The following PREX1 variants were observed in gnomAD, a reference collection of about 807,000 sequenced individuals.
PREX1 encodes phosphatidylinositol 3,4,5-trisphosphate-dependent Rac exchanger 1 protein.
PREX1 carries 41 observed loss-of-function variants against 198.3 expected under a neutral mutation model. That is an observed-to-expected ratio of 0.21 (90% confidence interval 0.16 to 0.27). The LOEUF is 0.27. Among genes scored for constraint, PREX1 ranks in the 10% least tolerant of loss-of-function variants. PREX1 has a pLI of 1.00. For synonymous variants in PREX1, 843 were observed against 887.2 expected (o/e 0.95, Z 0.89); for missense variants, 1,620 against 2,200.7 (o/e 0.74, Z 5.28).
intron 1 of PREX1, among the ~76,000 whole-genome samples, chr20:48,752,673 C>T (rs938255119): frequency 6.6e-6 from 1 of 152,242 alleles, no homozygotes; most frequent in East Asian, 1.9e-4. Flanking sequence ...CATGGTAACC[C>T]GCTTGATGAC....
In PREX1 at chr20:48,625,262, A is replaced by C. The variant is rs547346333; in HGVS notation, c.*623T>G. ...TGCCATATAAATAAAGTCAGAGCAA[A>C]TCTCGTGCCCAGGGCTGGTGGCCCC... On this transcript the variant is annotated 3_prime_UTR_variant, in exon 40 of 40. Coordinates refer to ENST00000371941, the MANE Select transcript of PREX1 (RefSeq NM_020820.4). 1 of 152,608 alleles carries C rather than the reference A, an allele frequency of 6.6e-6. No individual in the cohort carries two copies. Among genetic ancestry groups the C allele is most frequent in the East Asian group, 1.9e-4 (1 of 5,170 alleles). The allele number at this position is 152,608 out of a possible 1,614,324, so 9.5% of individuals were successfully genotyped here. A position where few individuals can be genotyped will look rare whatever the true frequency, so the allele number is the denominator to read the frequency against.
At chr20:48,874,174 G>A in the PREX1 span, among the ~76,000 whole-genome samples, 12 of 152,178 alleles carry the variant, frequency 7.9e-5, no homozygotes, top group African/African-American at 2.7e-4. Flanking sequence ...TTTTATAAAT[G>A]AGGAATCTGG....
chr20:48,666,131 G>A lies in PREX1; in HGVS notation c.1738+152C>T, dbSNP rs976123586. 32 of 715,890 alleles carry A rather than the reference G, an allele frequency of 4.5e-5. No individual in the cohort carries two copies. Among genetic ancestry groups the A allele is most frequent in the Non-Finnish European group, 5.8e-5 (25 of 430,654 alleles). The allele number at this position is 715,890 out of a possible 1,614,324, so 44.3% of individuals were successfully genotyped here. On this transcript the variant is annotated intron_variant, in intron 15 of 39. Transcript: ENST00000371941. This position sits in a 1 kb window ranked among gnomAD's most constrained non-coding sequence, Gnocchi z 4.3. Reference sequence around the variant, plus strand: ...AGCCATTTCTCGATCGGTTCAGAACGGGAAGGGGAGGGAGGTGGGATTCGT... The same window carrying A: ...AGCCATTTCTCGATCGGTTCAGAACAGGAAGGGGAGGGAGGTGGGATTCGT...
At chr20:48,640,617 C>G (rs2089401787) in intron 29 of PREX1, among the ~76,000 whole-genome samples, 1 of 152,156 alleles carries the variant, frequency 6.6e-6, no homozygotes, top group Non-Finnish European at 1.5e-5. Flanking sequence ...GCATTTCTAT[C>G]TCCTACAATC....
intron 1 of PREX1, among the ~76,000 whole-genome samples, chr20:48,811,269 C>A (rs1195946191): frequency 6.6e-6 from 1 of 152,142 alleles, no homozygotes; most frequent in African/African-American, 2.4e-5. Context: ...CCCACCTCAG[C>A]CTCCCAAAGT....
At chr20:48,742,854 T>C (rs1266005057) in intron 3 of PREX1, among the ~76,000 whole-genome samples, 4 of 152,074 alleles carry the variant, frequency 2.6e-5, no homozygotes, top group Non-Finnish European at 5.9e-5. Flanking sequence ...TTAAACCCAC[T>C]TCCCCACAGC....
intron 1 of PREX1, among the ~76,000 whole-genome samples, chr20:48,817,336 T>C (rs566155417): frequency 1.3e-5 from 2 of 152,326 alleles, no homozygotes; most frequent in South Asian, 4.1e-4. Context: ...TTCAGTCACT[T>C]ATTTCAAGTC....
At chr20:48,634,164 A>C (rs113074735) in intron 33 of PREX1, among the ~76,000 whole-genome samples, 1 of 102,280 alleles carries the variant, frequency 9.8e-6, no homozygotes, top group African/African-American at 3.1e-5. Context: ...GGATGGATGG[A>C]TGGATGGATG....
At chr20:48,882,525 A>AAAG in the PREX1 span, among the ~76,000 whole-genome samples, 8,333 of 96,500 alleles carry the variant, frequency 0.086, 1,083 homozygotes, top group Non-Finnish European at 0.12. Flanking sequence ...AAAAAAAAAA[A>AAAG]AGAGAGAATC....
chr20:48,663,268 C>T (rs1289152155), intron 15 of PREX1, among the ~76,000 whole-genome samples: 4 of 152,208 alleles, frequency 2.6e-5, no homozygotes, highest in Non-Finnish European at 5.9e-5. Flanking sequence ...GACCTGCTGG[C>T]CACAAGGCAG....
At chr20:48,693,740 T>C (rs1301170323) in intron 7 of PREX1, among the ~76,000 whole-genome samples, 3 of 151,768 alleles carry the variant, frequency 2.0e-5, no homozygotes, top group Non-Finnish European at 4.4e-5. Context: ...CCCGAGTAAC[T>C]GGGACTACAG....
At chr20:48,679,141 T>A (rs1374112353) in intron 13 of PREX1, among the ~76,000 whole-genome samples, 1 of 152,178 alleles carries the variant, frequency 6.6e-6, no homozygotes, top group South Asian at 2.1e-4. Flanking sequence ...TCAAGCTCAG[T>A]CTGTCTGGCT....
chr20:48,838,725 C>G, the PREX1 span, among the ~76,000 whole-genome samples: 1 of 151,948 alleles, frequency 6.6e-6, no homozygotes, highest in Non-Finnish European at 1.5e-5. Context: ...ATTACATATT[C>G]ATAGGAAAAT....
chr20:48,883,788 A>ATT, the PREX1 span, among the ~76,000 whole-genome samples: 484 of 152,192 alleles, frequency 3.2e-3, 16 homozygotes, highest in Admixed American at 0.027. Context: ...TAGACTTAAT[A>ATT]TTATCAATGT....
chr20:48,681,071 G>A (rs1273183312), intron 11 of PREX1, among the ~76,000 whole-genome samples, 164 bp downstream of exon 11: 1 of 152,194 alleles, frequency 6.6e-6, no homozygotes, highest in Admixed American at 6.5e-5. Flanking sequence ...TGCCTAAGAG[G>A]CAGTTTTACA....
rs55807383 is a variant in PREX1 at position 48,718,467 on chromosome 20, C to A, written c.621+7823G>T. 2.0e-5 allele frequency among the ~76,000 whole-genome samples: 3 copies of A among 151,864 alleles called. No individual in the cohort carries two copies. In the East Asian group the frequency reaches 5.8e-4, roughly 29 times the overall value. ...AACTAAAACAATCCAAAATAAAACA[C>A]GGAAAGACGCAAAAGCATCAAAAAA... On this transcript the variant is annotated intron_variant, in intron 5 of 39. Coordinates refer to ENST00000371941, the MANE Select transcript of PREX1 (RefSeq NM_020820.4).
intron 4 of PREX1, among the ~76,000 whole-genome samples, chr20:48,730,034 A>G (rs1232484177): frequency 1.3e-5 from 2 of 152,132 alleles, no homozygotes; most frequent in Non-Finnish European, 2.9e-5. Context: ...CGGCCGCTGG[A>G]AGATTAAAGA....
In PREX1 at chr20:48,708,415, C is replaced by T. The variant is rs1188089629; in HGVS notation, c.628G>A (p.Ala210Thr). Residue 210 changes from alanine to threonine, a missense_variant, in exon 6 of 40, where the codon GCC becomes ACC. By Grantham distance (58) the Ala-to-Thr change is moderately conservative. Transcript: ENST00000371941. ...CKYPLLLKEL[A>T]KRTPGKHPDH... ...GGGTGCTTGCCGGGAGTCCTCTTGG[C>T]CAGCTCCTGGGGTAGAATAGAGGTG... 6.2e-7 allele frequency: 1 copy of T among 1,613,886 alleles called. No individual in the cohort carries two copies. The highest frequency in any genetic ancestry group is 1.3e-5 in the African/African-American group (1 of 74,878).
the PREX1 span, among the ~76,000 whole-genome samples, chr20:48,852,297 T>C: frequency 6.6e-6 from 1 of 152,044 alleles, no homozygotes; most frequent in Non-Finnish European, 1.5e-5. Flanking sequence ...CACAGATCCC[T>C]AGGCCCACCC....
Sources: allele counts gnomAD v4.1 joint callset (sites outside exome capture counted in the v4.1 genomes callset), GRCh38; gene constraint gnomAD v4.1.1; non-coding constraint Gnocchi (gnomAD v3.1); transcripts MANE v1.5; gene names NCBI Gene and HGNC (gene_info 2026-07-23, HGNC 2026-07-21).